ZNF200: variants seen among roughly 807,000 people sequenced by gnomAD.
ZNF200 encodes zinc finger protein 200.
A neutral mutation model predicts 33.6 loss-of-function variants in ZNF200; 35 were observed. The ratio of observed to expected loss-of-function variants is 1.04; its 90% CI spans 0.80 to 1.38. The LOEUF is 1.38. Among genes scored for constraint, ZNF200 ranks in the 40% most tolerant of loss-of-function variants. The pLI, the probability that ZNF200 is intolerant of heterozygous loss-of-function variation, is 0.00. For missense variants in ZNF200, 592 were observed against 470.6 expected (o/e 1.26, Z -2.39); for synonymous variants, 209 against 167.7 (o/e 1.25, Z -1.90).
intron 4 of ZNF200, among the ~76,000 whole-genome samples, chr16:3,231,304 T>C (rs529440001): frequency 6.6e-6 from 1 of 152,328 alleles, no homozygotes; most frequent in African/African-American, 2.4e-5. Flanking sequence ...ATAAAGAAGA[T>C]ATCACATAGA....
intron 4 of ZNF200, chr16:3,227,454 G>A (rs1028288489): frequency 6.6e-6 from 1 of 152,252 alleles, no homozygotes; most frequent in Non-Finnish European, 1.5e-5. Context: ...TCAAGTGGCT[G>A]TCAGTCGTCC....
chr16:3,233,452 T>C, intron 2 of ZNF200, 54 bp downstream of exon 2: 1 of 1,494,712 alleles, frequency 6.7e-7, no homozygotes, highest in Non-Finnish European at 8.9e-7. Flanking sequence ...AAACCTATCT[T>C]AGACTCCAGT....
intron 4 of ZNF200, chr16:3,226,894 T>A (rs1958487981): frequency 6.6e-6 from 1 of 152,332 alleles, no homozygotes; most frequent in Non-Finnish European, 1.5e-5. Context: ...AACCTCACCA[T>A]CAATGTGTTT....
chr16:3,231,800 C>T (rs768625222), intron 4 of ZNF200, among the ~76,000 whole-genome samples: 1 of 152,222 alleles, frequency 6.6e-6, no homozygotes, highest in African/African-American at 2.4e-5. Flanking sequence ...TCCCTGTTCC[C>T]CTACTTACAA....
rs765407581 is a variant in ZNF200 at position 3,233,744 on chromosome 16, T to G, written c.12A>C (p.Ala4=). Residue 4 remains alanine (A), a synonymous_variant, in exon 2 of 5, where the codon GCA becomes GCC. Transcript: ENST00000414144. ...GCTTTGGGGGCATAGGAACCACTTTTGCAGCCATCATGCCTTGCAACCACA... is the reference window on the plus strand; with the variant it reads ...GCTTTGGGGGCATAGGAACCACTTTGGCAGCCATCATGCCTTGCAACCACA... The part of the protein sequence containing the change: MMA[A]KVVPMPPKPK... 2 of 1,611,532 alleles carry G rather than the reference T, an allele frequency of 1.2e-6. No homozygotes were observed. Among genetic ancestry groups the G allele is most frequent in the Non-Finnish European group, 1.7e-6 (2 of 1,178,852 alleles).
intron 4 of ZNF200, among the ~76,000 whole-genome samples, chr16:3,228,095 A>C (rs1255460883): frequency 6.6e-6 from 1 of 151,946 alleles, no homozygotes; most frequent in African/African-American, 2.4e-5. Flanking sequence ...CTTGTTTTAA[A>C]GTTTCCTCAT....
In ZNF200 at chr16:3,224,237, G is replaced by A; in HGVS notation, c.843C>T (p.Asp281=). 2.5e-6 allele frequency: 4 copies of A among 1,614,182 alleles called. No homozygotes were observed. Among genetic ancestry groups the A allele is most frequent in the Non-Finnish European group, 3.4e-6 (4 of 1,180,042 alleles). The stretch of plus-strand genomic sequence containing the variant: ...TGAAGCTTTTCCCACAGTGATTACA[G>A]TCATAGGGTTTTTCTCCAGTGTGGG... ...QRTHTGEKPY[D]CNHCGKSFNH... Residue 281 remains aspartate, a synonymous_variant, in exon 5 of 5, where the codon GAC becomes GAT. Coordinates refer to ENST00000414144, the MANE Select transcript of ZNF200 (RefSeq NM_198088.3).
At chr16:3,230,720 C>T (rs1332216530) in intron 4 of ZNF200, among the ~76,000 whole-genome samples, 1 of 152,148 alleles carries the variant, frequency 6.6e-6, no homozygotes, top group Non-Finnish European at 1.5e-5. Flanking sequence ...TTATCATCAC[C>T]TATAAATTGA....
In ZNF200 at chr16:3,232,934, G is replaced by A. The variant is rs760326618; in HGVS notation, c.251-13C>T. ...GGACGAGGATGCACTGGGGAAAGAG[G>A]AAGGTTTAGTTAGTGAAAAACTCAG... On this transcript the variant is annotated splice_polypyrimidine_tract_variant and intron_variant, in intron 2 of 4. Coordinates refer to ENST00000414144, the MANE Select transcript of ZNF200 (RefSeq NM_198088.3). The A allele has an allele frequency of 1.9e-6, 3 of 1,612,604 alleles. No individual in the cohort carries two copies. The highest frequency in any genetic ancestry group is 2.5e-6 in the Non-Finnish European group (3 of 1,179,000).
chr16:3,224,209 G>T lies in ZNF200; in HGVS notation c.871C>A (p.His291Asn), dbSNP rs1183526471. Reference sequence around the variant, plus strand: ...TCATGTTTATTGAGGTTTGTTTTATGATTGAAGCTTTTCCCACAGTGATTA... The same window carrying T: ...TCATGTTTATTGAGGTTTGTTTTATTATTGAAGCTTTTCCCACAGTGATTA... ...DCNHCGKSFN[H>N]KTNLNKHERI... The change falls in exon 5 of 5, where the codon CAT (histidine) becomes AAT (asparagine). Residue 291 changes from histidine (H) to asparagine (N), a missense_variant. By Grantham distance (68) the His-to-Asn change is moderately conservative (BLOSUM62 1). Transcript: ENST00000414144. 1 of 1,614,156 alleles carries T rather than the reference G, an allele frequency of 6.2e-7. No individual in the cohort carries two copies.
At chr16:3,228,791 T>A (rs920967225) in intron 4 of ZNF200, among the ~76,000 whole-genome samples, 2 of 152,122 alleles carry the variant, frequency 1.3e-5, no homozygotes, top group South Asian at 2.1e-4. Context: ...TGAACCACTG[T>A]GCCCAGCATG....
At position 3,235,100 on chromosome 16, in the gene ZNF200, G is replaced by A. The variant is rs1459093453; in HGVS notation, c.-195C>T. ...GGTCGAGCCCTCCCCTCGCCCTTCC[G>A]AGTGCCCTCACAGGTCGCCGGCGAC... On this transcript the variant is annotated 5_prime_UTR_variant, in exon 1 of 5. Coordinates refer to ENST00000414144, the MANE Select transcript of ZNF200 (RefSeq NM_198088.3). 6.6e-6 allele frequency: 1 copy of A among 152,174 alleles called. No individual in the cohort carries two copies. Among genetic ancestry groups the A allele is most frequent in the South Asian group, 2.1e-4 (1 of 4,830 alleles). 9.4% of individuals were successfully genotyped at this position (152,174 alleles called of 1,614,324 possible).
chr16:3,232,406 G>C lies in ZNF200; in HGVS notation c.466+15C>G. The C allele has an allele frequency of 1.9e-6, 3 of 1,612,432 alleles. No individual in the cohort carries two copies. ...AAGCAAACAACCTGAACACACAAAGGCTGTGATTTCTTACCCAGTAACATC... is the reference window on the plus strand; with the variant it reads ...AAGCAAACAACCTGAACACACAAAGCCTGTGATTTCTTACCCAGTAACATC... On this transcript the variant is annotated intron_variant, in intron 4 of 4. Coordinates refer to ENST00000414144, the MANE Select transcript of ZNF200 (RefSeq NM_198088.3).
chr16:3,225,809 G>GGTTCA (rs1308460732), intron 4 of ZNF200: 2 of 151,952 alleles, frequency 1.3e-5, no homozygotes, highest in Admixed American at 6.6e-5. Flanking sequence ...GAGAGTCAAG[G>GGTTCA]GTTCAAATCA....
rs935462728 is a variant in ZNF200, at chr16:3,233,833, C to T, written c.-78G>A. On this transcript the variant is annotated 5_prime_UTR_variant, in exon 2 of 5. Transcript: ENST00000414144. ...TACTAGAGGAAATCTGCCAGAGAGCCAAGCTGTAGACAGAGAAACCAGGGA... is the reference window on the plus strand; with the variant it reads ...TACTAGAGGAAATCTGCCAGAGAGCTAAGCTGTAGACAGAGAAACCAGGGA... 4 of 1,525,014 alleles carry T rather than the reference C, an allele frequency of 2.6e-6. No homozygotes were observed. The Admixed American group carries it at 6.2e-5, about 24-fold the overall frequency. 94.5% of individuals were successfully genotyped at this position (1,525,014 alleles called of 1,614,324 possible). A position where few individuals can be genotyped will look rare whatever the true frequency, so the allele number is the denominator to read the frequency against.
rs1958351116 is a variant in ZNF200 at position 3,222,395 on chromosome 16, C to T, written c.*1497G>A. The T allele has an allele frequency of 6.6e-6, 1 of 152,058 alleles. No homozygotes were observed. Among genetic ancestry groups the T allele is most frequent in the South Asian group, 2.1e-4 (1 of 4,816 alleles). 9.4% of individuals were successfully genotyped at this position (152,058 alleles called of 1,614,324 possible). A position where few individuals can be genotyped will look rare whatever the true frequency, so the allele number is the denominator to read the frequency against. ...AAGTTAACAGAACTAAACCAACAAA[C>T]TATTGAAAATTAACAACAGTGAGAT... On this transcript the variant is annotated 3_prime_UTR_variant, in exon 5 of 5. Coordinates refer to ENST00000414144, the MANE Select transcript of ZNF200 (RefSeq NM_198088.3).
intron 4 of ZNF200, among the ~76,000 whole-genome samples, chr16:3,230,898 T>A (rs931655782): frequency 6.6e-6 from 1 of 152,252 alleles, no homozygotes; most frequent in African/African-American, 2.4e-5. Flanking sequence ...AGTCTTGCGA[T>A]AGCTCATTAT....
At chr16:3,225,858 G>T (rs1359238683) in intron 4 of ZNF200, 1 of 151,068 alleles carries the variant, frequency 6.6e-6, no homozygotes, top group African/African-American at 2.4e-5. Flanking sequence ...AGCTGGAGTT[G>T]GAATCTCTGC....
chr16:3,229,692 T>G (rs1031608905), intron 4 of ZNF200, among the ~76,000 whole-genome samples: 12 of 151,972 alleles, frequency 7.9e-5, no homozygotes, highest in African/African-American at 2.7e-4. Context: ...GGTGAAACCC[T>G]GTCTCTACTA....
Sources: gnomAD v4.1 joint callset for allele counts (sites outside exome capture counted in the v4.1 genomes callset) on GRCh38, gnomAD v4.1.1 for gene constraint, MANE v1.5 for transcripts, NCBI Gene and HGNC (gene_info 2026-07-23, HGNC 2026-07-21) for gene names.